The following RIMS2 variants were observed in gnomAD, a reference collection of about 807,000 sequenced individuals.
RIMS2 encodes the protein regulating synaptic membrane exocytosis protein 2.
Under a neutral mutation model 174.4 loss-of-function variants are expected in RIMS2, and 59 were observed. The observed-to-expected ratio is 0.34, with a 90% confidence interval of 0.27 to 0.42. The LOEUF (loss-of-function observed/expected upper bound fraction) is 0.42. Ranked by LOEUF, RIMS2 falls within the 10% of genes least tolerant of loss-of-function variation. The pLI is 1.00. For missense variants in RIMS2, 1,620 were observed against 1,666.3 expected (o/e 0.97, Z 0.48); for synonymous variants, 606 against 572.5 (o/e 1.06, Z -0.84).
At chr8:104,215,257 A>C (rs2511559) in intron 19 of RIMS2, among the ~76,000 whole-genome samples, 47,024 of 152,018 alleles carry the variant, frequency 0.31, 7,358 homozygotes, top group African/African-American at 0.34. Flanking sequence ...TAATCAAAAG[A>C]AGTCTTTATT....
intron 20 of RIMS2, among the ~76,000 whole-genome samples, chr8:104,247,649 T>C (rs1806940429): frequency 6.6e-6 from 1 of 152,248 alleles, no homozygotes; most frequent in Admixed American, 6.5e-5. Context: ...TTTATCAAGA[T>C]GGAAATCTTT....
chr8:103,788,235 A>C (rs1221838177), intron 3 of RIMS2, among the ~76,000 whole-genome samples: 2 of 149,934 alleles, frequency 1.3e-5, no homozygotes, highest in Non-Finnish European at 3.0e-5. Context: ...CATAGCTCAG[A>C]GTAATTTGAT....
chr8:103,743,085 G>A (rs1194295117), intron 2 of RIMS2, among the ~76,000 whole-genome samples: 1 of 152,078 alleles, frequency 6.6e-6, no homozygotes, highest in Non-Finnish European at 1.5e-5. Flanking sequence ...CAAGTACCTT[G>A]TTTTAGTCAT....
At chr8:103,555,442 C>T (rs944640089) in intron 1 of RIMS2, among the ~76,000 whole-genome samples, 1 of 152,058 alleles carries the variant, frequency 6.6e-6, no homozygotes, top group Non-Finnish European at 1.5e-5. Context: ...CAGCCATTAT[C>T]AAAAACAGTA....
intron 1 of RIMS2, among the ~76,000 whole-genome samples, chr8:103,552,799 A>G (rs2892578): frequency 0.19 from 29,450 of 152,186 alleles, 3,042 homozygotes; most frequent in Middle Eastern, 0.3. Flanking sequence ...ATGAACAGAC[A>G]CTTCTCAAAA....
chr8:103,687,953 AT>A (rs2096963055), intron 1 of RIMS2, among the ~76,000 whole-genome samples: 2 of 152,116 alleles, frequency 1.3e-5, no homozygotes, highest in African/African-American at 4.8e-5. Flanking sequence ...ACTATTGTAA[AT>A]AATGCTGCAA....
chr8:103,927,715 T>C, intron 10 of RIMS2: 1 of 679,620 alleles, frequency 1.5e-6, no homozygotes. Context: ...TTGATAAATA[T>C]TGTCATGGAA....
At chr8:104,154,872 C>A (rs985634490) in intron 19 of RIMS2, among the ~76,000 whole-genome samples, 6 of 151,966 alleles carry the variant, frequency 3.9e-5, no homozygotes, top group African/African-American at 1.4e-4. Context: ...AGTATTGTAT[C>A]ACATATGGTG....
chr8:104,005,588 A>T (rs2095544903), intron 17 of RIMS2, among the ~76,000 whole-genome samples: 1 of 152,214 alleles, frequency 6.6e-6, no homozygotes, highest in African/African-American at 2.4e-5. Flanking sequence ...TAGTAAATGA[A>T]GAATTTTGAG....
chr8:103,637,372 T>C (rs1218473593), intron 1 of RIMS2, among the ~76,000 whole-genome samples: 3 of 152,264 alleles, frequency 2.0e-5, no homozygotes, highest in Admixed American at 2.0e-4. Context: ...TTCTTGAATT[T>C]ACTTTTTCTA....
chr8:103,750,927 G>A (rs3110455), intron 2 of RIMS2, among the ~76,000 whole-genome samples: 3 of 152,030 alleles, frequency 2.0e-5, no homozygotes, highest in Non-Finnish European at 4.4e-5. Flanking sequence ...TGGGAGGGAC[G>A]CAGTAGGAGG....
At chr8:104,006,598 C>T (rs1463151499) in intron 17 of RIMS2, among the ~76,000 whole-genome samples, 1 of 151,186 alleles carries the variant, frequency 6.6e-6, no homozygotes, top group Non-Finnish European at 1.5e-5. Flanking sequence ...TTCTGCTACC[C>T]CTTCAAGCTA....
intron 19 of RIMS2, among the ~76,000 whole-genome samples, chr8:104,137,754 C>T (rs1395563794): frequency 1.3e-5 from 2 of 152,172 alleles, no homozygotes; most frequent in African/African-American, 2.4e-5. Flanking sequence ...AGAAATTCTA[C>T]GTTAGAAAAA....
At chr8:104,166,620 GT>G (rs985705000) in intron 19 of RIMS2, among the ~76,000 whole-genome samples, 2 of 151,804 alleles carry the variant, frequency 1.3e-5, no homozygotes, top group Non-Finnish European at 2.9e-5. Flanking sequence ...ATCTCTAAGG[GT>G]GTCCTTAGAG....
chr8:103,619,603 TAAATC>T (rs2095588147), intron 1 of RIMS2, among the ~76,000 whole-genome samples: 2 of 152,018 alleles, frequency 1.3e-5, no homozygotes, highest in Admixed American at 6.6e-5. Flanking sequence ...AGCAGTAAAA[TAAATC>T]AGAACTACAA....
chr8:103,798,393 T>C (rs2098571199), intron 3 of RIMS2, among the ~76,000 whole-genome samples: 1 of 152,116 alleles, frequency 6.6e-6, no homozygotes, highest in South Asian at 2.1e-4. Context: ...ATAAAGGAAT[T>C]TTAAAAGATA....
At chr8:103,502,808 G>A (rs2437764) in intron 1 of RIMS2, among the ~76,000 whole-genome samples, 53,776 of 151,754 alleles carry the variant, frequency 0.35, 10,252 homozygotes, top group East Asian at 0.77. Context: ...TGTAAAATGT[G>A]TTTTTATTTC....
chr8:103,879,372 T>A (rs1308357280), intron 3 of RIMS2, among the ~76,000 whole-genome samples: 1 of 151,474 alleles, frequency 6.6e-6, no homozygotes, highest in Non-Finnish European at 1.5e-5. Flanking sequence ...ACTGCAATGT[T>A]TCTGAAATTT....
chr8:104,030,570 T>G (rs558765740), intron 19 of RIMS2, among the ~76,000 whole-genome samples: 3 of 152,292 alleles, frequency 2.0e-5, no homozygotes, highest in African/African-American at 7.2e-5. Context: ...TATTACTTTT[T>G]TCTTTGTTTG....
Sources: gnomAD v4.1 joint callset for allele counts (sites outside exome capture counted in the v4.1 genomes callset) on GRCh38, gnomAD v4.1.1 for gene constraint, MANE v1.5 for transcripts, NCBI Gene and HGNC (gene_info 2026-07-23, HGNC 2026-07-21) for gene names.